Variants in TIMP2 observed in about 807,000 individuals in gnomAD.
TIMP2 encodes the protein metalloproteinase inhibitor 2.
TIMP2 carries 5 observed loss-of-function variants against 24.3 expected under a neutral mutation model. The observed-to-expected ratio is 0.21, with a 90% confidence interval of 0.11 to 0.43. TIMP2 has a LOEUF of 0.43. Ranked by LOEUF, TIMP2 falls within the 20% of genes least tolerant of loss-of-function variation. The pLI is 1.00. For missense variants in TIMP2, 221 were observed against 297.5 expected (o/e 0.74, Z 1.89); for synonymous variants, 130 against 123.2 (o/e 1.06, Z -0.37).
chr17:78,902,377 G>C (rs1484679495), intron 1 of TIMP2, among the ~76,000 whole-genome samples: 3 of 152,194 alleles, frequency 2.0e-5, no homozygotes, highest in African/African-American at 7.2e-5. Context: ...CAAAGTGCTG[G>C]GATTCCAGGC....
intron 1 of TIMP2, among the ~76,000 whole-genome samples, chr17:78,905,868 T>C (rs1420323520): frequency 6.6e-6 from 1 of 152,214 alleles, no homozygotes; most frequent in Non-Finnish European, 1.5e-5. Context: ...TTTTAAAAAT[T>C]ACAGGTACAG....
At chr17:78,879,374 C>T (rs2069758283) in intron 1 of TIMP2, among the ~76,000 whole-genome samples, 1 of 152,192 alleles carries the variant, frequency 6.6e-6, no homozygotes, top group Non-Finnish European at 1.5e-5. Context: ...GAGGGCCTCT[C>T]CGAGTCCCAG....
At chr17:78,918,589 C>T (rs577476661) in intron 1 of TIMP2, among the ~76,000 whole-genome samples, 6 of 152,222 alleles carry the variant, frequency 3.9e-5, no homozygotes, top group Non-Finnish European at 2.9e-5. Context: ...GCTCATCTGC[C>T]TGCTTACTCC....
chr17:78,893,475 CG>C (rs2069949340), intron 1 of TIMP2, among the ~76,000 whole-genome samples: 1 of 70,114 alleles, frequency 1.4e-5, no homozygotes, highest in South Asian at 5.0e-4. Flanking sequence ...GTGTGCATAG[CG>C]GTGTGTGTGC....
At chr17:78,883,201 G>A (rs901706876) in intron 1 of TIMP2, among the ~76,000 whole-genome samples, 2 of 152,208 alleles carry the variant, frequency 1.3e-5, no homozygotes, top group Non-Finnish European at 2.9e-5. Context: ...TCAGCAGAGG[G>A]GGCACCATAG....
intron 1 of TIMP2, among the ~76,000 whole-genome samples, chr17:78,914,417 G>C (rs1341114425): frequency 6.6e-6 from 1 of 151,880 alleles, no homozygotes; most frequent in Non-Finnish European, 1.5e-5. Context: ...TGAATAGCTG[G>C]GATTACAGGC....
intron 1 of TIMP2, chr17:78,874,181 C>T: frequency 2.2e-6 from 1 of 463,562 alleles, no homozygotes; most frequent in Non-Finnish European, 3.9e-6. Context: ...GGGCCCAAGC[C>T]AGAAGCCCAG....
chr17:78,880,124 C>T (rs1182820373), intron 1 of TIMP2, among the ~76,000 whole-genome samples: 1 of 152,038 alleles, frequency 6.6e-6, no homozygotes, highest in Non-Finnish European at 1.5e-5. Context: ...AAGGGCTGGC[C>T]GGAGGGGCGG....
Position 78,855,566 on chromosome 17 carries a change from G to A in TIMP2, c.*101C>T. On this transcript the variant is annotated 3_prime_UTR_variant, in exon 5 of 5. Transcript: ENST00000262768. This position sits in a 1 kb window ranked among gnomAD's most constrained non-coding sequence, Gnocchi z 6.0. ...ATTAATTTGGACCCATGGGATGAGT[G>A]TTTTATTCATGCTGTTTCCAGGAAG... 1 of 1,327,392 alleles carries A rather than the reference G, an allele frequency of 7.5e-7. No individual in the cohort carries two copies. The allele number at this position is 1,327,392 out of a possible 1,614,324, so 82.2% of individuals were successfully genotyped here.
At chr17:78,870,510 G>C (rs2069671075) in intron 3 of TIMP2, among the ~76,000 whole-genome samples, 2 of 152,022 alleles carry the variant, frequency 1.3e-5, no homozygotes, top group Admixed American at 6.6e-5. Context: ...ATAAAAAAAG[G>C]AGACAGATGA....
At position 78,870,974 on chromosome 17, in the gene TIMP2, A is replaced by G; in HGVS notation, c.264T>C (p.Phe88=). ...CTGCCGAGGAGGGGGCCGTGTAGAT[A>G]AACTCTATATCCTTCTCAGGCCCTT... is the stretch of plus-strand genomic sequence containing the variant. ...MFKGPEKDIE[F]IYTAPSSAVC... Residue 88 remains phenylalanine, a synonymous_variant, in exon 3 of 5, where the codon TTT becomes TTC. Coordinates refer to ENST00000262768, the MANE Select transcript of TIMP2 (RefSeq NM_003255.5). 1 of 1,613,662 alleles carries G rather than the reference A, an allele frequency of 6.2e-7. No homozygotes were observed. Among genetic ancestry groups the G allele is most frequent in the Non-Finnish European group, 8.5e-7 (1 of 1,179,842 alleles).
In TIMP2 at chr17:78,891,464, T is replaced by C. The variant is rs775308099; in HGVS notation, c.131-17545A>G. 25 of 1,551,142 alleles carry C rather than the reference T, an allele frequency of 1.6e-5. No homozygotes were observed. The highest frequency in any genetic ancestry group is 2.1e-5 in the Non-Finnish European group (24 of 1,147,106). On this transcript the variant is annotated intron_variant, in intron 1 of 4. Transcript: ENST00000262768. This position sits in a 1 kb window ranked among gnomAD's most constrained non-coding sequence, Gnocchi z 4.5. ...CAGCTTTCTGTTTATATTAAACAAC[T>C]CTTCAAAGGCCAACTCCAGCTCTTT...
intron 1 of TIMP2, among the ~76,000 whole-genome samples, chr17:78,887,710 T>C (rs2145765013): frequency 7.1e-6 from 1 of 140,338 alleles, no homozygotes; most frequent in African/African-American, 2.7e-5. Flanking sequence ...AAATATTTTA[T>C]AAGAGCAGGT....
At chr17:78,911,910 A>T (rs1273447473) in intron 1 of TIMP2, among the ~76,000 whole-genome samples, 1 of 151,624 alleles carries the variant, frequency 6.6e-6, no homozygotes, top group African/African-American at 2.4e-5. Context: ...AAAAAAAAAA[A>T]AAATTGAACT....
intron 1 of TIMP2, among the ~76,000 whole-genome samples, chr17:78,918,595 A>G (rs2070283639): frequency 6.6e-6 from 1 of 151,516 alleles, no homozygotes; most frequent in African/African-American, 2.4e-5. Context: ...CTGCCTGCTT[A>G]CTCCACCCCC....
Position 78,891,812 on chromosome 17 carries a change from G to T in TIMP2, c.131-17893C>A. On this transcript the variant is annotated intron_variant, in intron 1 of 4. Coordinates refer to ENST00000262768, the MANE Select transcript of TIMP2 (RefSeq NM_003255.5). This position sits in a 1 kb window ranked among gnomAD's most constrained non-coding sequence, Gnocchi z 4.5. Reference sequence around the variant, plus strand: ...GGCACAGCGGCCACCCCCAGACTTGGTCGAAGGTTCTGGCCTTCCCTTTCT... The same window carrying T: ...GGCACAGCGGCCACCCCCAGACTTGTTCGAAGGTTCTGGCCTTCCCTTTCT... 9.0e-6 allele frequency: 14 copies of T among 1,550,948 alleles called. No homozygotes were observed. The highest frequency in any genetic ancestry group is 1.1e-5 in the Non-Finnish European group (13 of 1,147,078).
chr17:78,890,611 T>A, intron 1 of TIMP2: 3 of 1,541,476 alleles, frequency 1.9e-6, no homozygotes, highest in Non-Finnish European at 2.6e-6. Context: ...ATCAGTGATG[T>A]ATTTACCCCG....
Position 78,891,633 on chromosome 17 carries a change from C to A in TIMP2, c.131-17714G>T. On this transcript the variant is annotated intron_variant, in intron 1 of 4. Coordinates refer to ENST00000262768, the MANE Select transcript of TIMP2 (RefSeq NM_003255.5). The surrounding 1 kb of genome is among the most constrained non-coding windows in gnomAD (Gnocchi z 4.5). ...TGTCCCTGAGAGCGACTGGTCAGGG[C>A]TGGAACAAAGCAAACTGCCCCCTTT... is the stretch of plus-strand genomic sequence containing the variant. 1.3e-6 allele frequency: 2 copies of A among 1,550,970 alleles called. No individual in the cohort carries two copies. Among genetic ancestry groups the A allele is most frequent in the Non-Finnish European group, 1.7e-6 (2 of 1,147,096 alleles).
chr17:78,914,758 T>C (rs1394809747), intron 1 of TIMP2, among the ~76,000 whole-genome samples: 2 of 151,896 alleles, frequency 1.3e-5, no homozygotes, highest in African/African-American at 4.8e-5. Flanking sequence ...AAAATTTTAA[T>C]TTATTTTATG....
Sources: allele counts gnomAD v4.1 joint callset (sites outside exome capture counted in the v4.1 genomes callset), GRCh38; gene constraint gnomAD v4.1.1; non-coding constraint Gnocchi (gnomAD v3.1); transcripts MANE v1.5; gene names NCBI Gene and HGNC (gene_info 2026-07-23, HGNC 2026-07-21).